Variants in TPX2 observed in about 807,000 individuals in gnomAD.
TPX2 encodes the protein targeting protein for Xklp2.
TPX2 carries 21 observed loss-of-function variants against 93.6 expected under a neutral mutation model. The ratio of observed to expected loss-of-function variants is 0.22; its 90% CI spans 0.16 to 0.32. TPX2 has a LOEUF of 0.32. Among genes scored for constraint, TPX2 ranks in the 10% least tolerant of loss-of-function variants. The pLI, the probability that TPX2 is intolerant of heterozygous loss-of-function variation, is 1.00. For missense variants in TPX2, 776 were observed against 871.1 expected (o/e 0.89, Z 1.37); for synonymous variants, 281 against 298.3 (o/e 0.94, Z 0.60).
chr20:31,791,669 A>G (rs1330999055), intron 12 of TPX2, among the ~76,000 whole-genome samples: 1 of 152,216 alleles, frequency 6.6e-6, no homozygotes, highest in Non-Finnish European at 1.5e-5. Context: ...AATTGGAGGA[A>G]TGAGTTGTGG....
chr20:31,759,971 G>C, intron 3 of TPX2, 86 bp from the exon 4 acceptor site: 1 of 1,559,928 alleles, frequency 6.4e-7, no homozygotes, highest in South Asian at 1.2e-5. Flanking sequence ...TACTGGTAGG[G>C]AGCTTTAGTT....
Position 31,778,862 on chromosome 20 carries a change from A to C in TPX2, c.932A>C (p.Gln311Pro). The C allele has an allele frequency of 6.2e-7, 1 of 1,611,092 alleles. No homozygotes were observed. Among genetic ancestry groups the C allele is most frequent in the Middle Eastern group, 1.7e-4 (1 of 6,054 alleles). Residue 311 changes from glutamine to proline, a missense_variant, in exon 10 of 18, where the codon CAA (glutamine) becomes CCA (proline). Physicochemically the swap from Gln to Pro is moderately conservative, Grantham distance 76. This residue lies in a region of TPX2 where 461 missense variants were observed against 551.2 expected (regional missense o/e 0.84). Coordinates refer to ENST00000300403, the MANE Select transcript of TPX2 (RefSeq NM_012112.5). Reference sequence around the variant, plus strand: ...ATTGTTAAGCCTTTCAACCTGTCCCAAGGAAAGAAAAGAACATTTGATGAA... The same window carrying C: ...ATTGTTAAGCCTTTCAACCTGTCCCCAGGAAAGAAAAGAACATTTGATGAA... Reference protein sequence around the residue: ...CTIVKPFNLSQGKKRTFDETV... With the variant: ...CTIVKPFNLSPGKKRTFDETV...
chr20:31,782,671 TGA>T (rs763231729), intron 11 of TPX2, among the ~76,000 whole-genome samples: 3 of 151,982 alleles, frequency 2.0e-5, no homozygotes, highest in Admixed American at 6.6e-5. Flanking sequence ...GAGGATCACT[TGA>T]GTCCAGGAGT....
chr20:31,762,157 C>T (rs186420583), intron 4 of TPX2, among the ~76,000 whole-genome samples: 4 of 152,174 alleles, frequency 2.6e-5, no homozygotes, highest in Admixed American at 6.6e-5. Context: ...ATAGTTAGCA[C>T]GTATTTTCTC....
chr20:31,797,519 G>A lies in TPX2; in HGVS notation c.1945+4G>A. 1 of 1,612,686 alleles carries A rather than the reference G, an allele frequency of 6.2e-7. No homozygotes were observed. The highest frequency in any genetic ancestry group is 1.3e-5 in the African/African-American group (1 of 74,986). The stretch of plus-strand genomic sequence containing the variant: ...AAAGAGAAGAAATCAGTTGCTGGTA[G>A]TATTATATGTACTCTGATGGGACTC... On this transcript the variant is annotated splice_donor_region_variant and intron_variant, in intron 16 of 17. Transcript: ENST00000300403.
At chr20:31,800,121 A>G (rs1372983883) in intron 17 of TPX2, among the ~76,000 whole-genome samples, 1 of 152,126 alleles carries the variant, frequency 6.6e-6, no homozygotes, top group Non-Finnish European at 1.5e-5. Flanking sequence ...TAGCAGTTGA[A>G]ACAGCTATTG....
intron 5 of TPX2, among the ~76,000 whole-genome samples, chr20:31,767,137 T>C (rs116873918): frequency 2.4e-3 from 365 of 152,126 alleles, no homozygotes; most frequent in Non-Finnish European, 4.0e-3. Flanking sequence ...TATGGGTTTG[T>C]GTGGTTGGTA....
At chr20:31,785,305 G>T (rs1006968624) in intron 12 of TPX2, among the ~76,000 whole-genome samples, 1 of 151,942 alleles carries the variant, frequency 6.6e-6, no homozygotes, top group African/African-American at 2.4e-5. Context: ...TGCCTTCTTT[G>T]TCTTTACCCA....
intron 12 of TPX2, 27 bp downstream of exon 12, chr20:31,783,948 A>T: frequency 6.2e-7 from 1 of 1,610,188 alleles, no homozygotes; most frequent in African/African-American, 1.3e-5. Context: ...GTGTGCTGGC[A>T]GAAGTGTACT....
chr20:31,754,204 A>C (rs774924426), intron 2 of TPX2, among the ~76,000 whole-genome samples: 8 of 151,822 alleles, frequency 5.3e-5, no homozygotes, highest in Non-Finnish European at 1.2e-4. Flanking sequence ...AGTGATTCTC[A>C]CCGAGTAGCT....
At chr20:31,766,478 T>TGTGTGTGG in intron 4 of TPX2, 78 bp from the exon 5 acceptor site, 1 of 1,310,084 alleles carries the variant, frequency 7.6e-7, no homozygotes, top group Non-Finnish European at 1.1e-6. Context: ...TGTGTGTGTG[T>TGTGTGTGG]GTGTGTGTGT....
At chr20:31,765,037 C>G (rs1446393704) in intron 4 of TPX2, among the ~76,000 whole-genome samples, 1 of 151,598 alleles carries the variant, frequency 6.6e-6, no homozygotes, top group Admixed American at 6.6e-5. Flanking sequence ...TCCCTGCAGC[C>G]TTGACCTCCT....
At chr20:31,740,260 T>C (rs187862321) in intron 1 of TPX2, among the ~76,000 whole-genome samples, 3 of 152,322 alleles carry the variant, frequency 2.0e-5, no homozygotes, top group Admixed American at 1.3e-4. Flanking sequence ...GATTTTTGAC[T>C]CCTGGATTTT....
intron 12 of TPX2, among the ~76,000 whole-genome samples, chr20:31,786,891 T>G (rs1413482300): frequency 6.6e-6 from 1 of 152,090 alleles, no homozygotes; most frequent in African/African-American, 2.4e-5. Flanking sequence ...TGCAAAGCAC[T>G]AGGTAAGGTG....
Position 31,770,340 on chromosome 20 carries a change from T to C in TPX2, c.357-3T>C, listed in dbSNP as rs749015868. The C allele has an allele frequency of 7.7e-6, 12 of 1,558,996 alleles. No homozygotes were observed. In the African/African-American group the frequency reaches 8.3e-5, roughly 11 times the overall value. ...ATATATTTTGTCAATTTCTCTACCA[T>C]AGAAGATCTCTTAGGCTTTCTGCTC... is the stretch of plus-strand genomic sequence containing the variant. On this transcript the variant is annotated splice_polypyrimidine_tract_variant and splice_region_variant and intron_variant, in intron 5 of 17. Coordinates refer to ENST00000300403, the MANE Select transcript of TPX2 (RefSeq NM_012112.5).
chr20:31,800,262 A>G (rs912169934), intron 17 of TPX2, among the ~76,000 whole-genome samples: 1 of 152,124 alleles, frequency 6.6e-6, no homozygotes, highest in African/African-American at 2.4e-5. Flanking sequence ...TCCCCACTCT[A>G]TATACACTCA....
At chr20:31,798,647 G>T (rs919076642) in intron 17 of TPX2, 95 bp downstream of exon 17, 27 of 1,393,606 alleles carry the variant, frequency 1.9e-5, no homozygotes, top group South Asian at 3.0e-5. Flanking sequence ...AAGGTAGCCC[G>T]CAAGGCTGTA....
chr20:31,782,177 T>C (rs1335105130), intron 10 of TPX2, 72 bp from the exon 11 acceptor site: 3 of 1,538,304 alleles, frequency 2.0e-6, no homozygotes, highest in East Asian at 2.3e-5. Context: ...CTGGGCTACA[T>C]AGGTGAATCA....
intron 2 of TPX2, among the ~76,000 whole-genome samples, chr20:31,751,962 C>T (rs1239118597): frequency 1.3e-5 from 2 of 152,066 alleles, no homozygotes; most frequent in Non-Finnish European, 1.5e-5. Context: ...AGGCTGGTCT[C>T]GAACTCCTGA....
Sources: gnomAD v4.1 joint callset for allele counts (sites outside exome capture counted in the v4.1 genomes callset) on GRCh38, gnomAD v4.1.1 for gene constraint, gnomAD v4.1.1 regional missense constraint, MANE v1.5 for transcripts, NCBI Gene and HGNC (gene_info 2026-07-23, HGNC 2026-07-21) for gene names.